CARNMT1: variants seen among roughly 807,000 people sequenced by gnomAD.
CARNMT1 encodes protein-L-histidine N-pros-methyltransferase CARNMT1.
Under a neutral mutation model 49.6 loss-of-function variants are expected in CARNMT1, and 28 were observed. The observed-to-expected ratio is 0.56, with a 90% CI of 0.42 to 0.77. The LOEUF is 0.77. CARNMT1 is among the 30% of genes least tolerant of loss of function. CARNMT1 has a pLI of 0.00. For synonymous variants in CARNMT1, 178 were observed against 175.0 expected (o/e 1.02, Z -0.13); for missense variants, 421 against 512.6 (o/e 0.82, Z 1.73).
intron 2 of CARNMT1, 136 bp downstream of exon 2, chr9:75,017,117 A>T: frequency 1.5e-6 from 1 of 656,068 alleles, no homozygotes; most frequent in Non-Finnish European, 2.6e-6. Flanking sequence ...CAAATGACTG[A>T]ACATTTAAGT....
In CARNMT1 at chr9:74,980,842, A is replaced by C. The variant is rs1490751313; in HGVS notation, c.*2925T>G. Among the ~76,000 whole-genome samples the C allele has an allele frequency of 1.3e-5, 2 of 152,190 alleles. No individual in the cohort carries two copies. Among genetic ancestry groups the C allele is most frequent in the Non-Finnish European group, 2.9e-5 (2 of 68,000 alleles). On this transcript the variant is annotated 3_prime_UTR_variant, in exon 8 of 8. Transcript: ENST00000376834. ...TATTACAGTGAACTTGAATGAAACA[A>C]AGTGAAAATAGTTAGTATAAGGCCT...
At chr9:75,020,348 A>C (rs1587307394) in intron 1 of CARNMT1, among the ~76,000 whole-genome samples, 1 of 143,068 alleles carries the variant, frequency 7.0e-6, no homozygotes, top group African/African-American at 2.6e-5. Flanking sequence ...GCTCACTGCA[A>C]CCTCCCCCTC....
Position 74,982,762 on chromosome 9 carries a change from T to G in CARNMT1, c.*1005A>C, listed in dbSNP as rs1209252626. The G allele has an allele frequency of 2.0e-5, 3 of 152,190 alleles. No homozygotes were observed. Among genetic ancestry groups the G allele is most frequent in the African/African-American group, 4.8e-5 (2 of 41,450 alleles). The allele number at this position is 152,190 out of a possible 1,614,324, so 9.4% of individuals were successfully genotyped here. ...CACACTGTCAAACTCTGTATTCATT[T>G]AGAGTCTGAAAATCACATATTTCAA... On this transcript the variant is annotated 3_prime_UTR_variant, in exon 8 of 8. Transcript: ENST00000376834.
At chr9:74,985,116 T>A in intron 6 of CARNMT1, 106 bp from the exon 7 acceptor site, 1 of 841,268 alleles carries the variant, frequency 1.2e-6, no homozygotes, top group Non-Finnish European at 1.9e-6. Flanking sequence ...GAGACAAACA[T>A]AAAAAGTCTG....
chr9:74,996,350 A>G lies in CARNMT1; in HGVS notation c.1024+97T>C, dbSNP rs761895196. ...TTTAAAACATTTACAACATAATTCTAATGTTCATGCACATTTGAGACTGTG... is the reference window on the plus strand; with the variant it reads ...TTTAAAACATTTACAACATAATTCTGATGTTCATGCACATTTGAGACTGTG... On this transcript the variant is annotated intron_variant, in intron 6 of 7. Transcript: ENST00000376834. The G allele has an allele frequency of 6.4e-4, 424 of 657,594 alleles. 2 individuals carry two copies. The highest frequency in any genetic ancestry group is 1.0e-3 in the Non-Finnish European group (388 of 380,262). The allele number at this position is 657,594 out of a possible 1,614,324, so 40.7% of individuals were successfully genotyped here. A position where few individuals can be genotyped will look rare whatever the true frequency, so the allele number is the denominator to read the frequency against.
At position 74,999,745 on chromosome 9, in the gene CARNMT1, T is replaced by C; in HGVS notation, c.716A>G (p.Asn239Ser). The stretch of plus-strand genomic sequence containing the variant: ...AATTAAATACCTGTTGAGTACAAAG[T>C]TGGAAGAAAAGAGCATAAAAAAACT... ...EWSFFMLFSSNFVLNRCSEIN... is the reference protein window; with the variant it reads ...EWSFFMLFSSSFVLNRCSEIN... The change falls in exon 4 of 8, where the codon AAC becomes AGC. Residue 239 changes from asparagine (N) to serine (S), a missense_variant. Physicochemically the swap from Asn to Ser is conservative, Grantham distance 46. This residue lies in a region of CARNMT1 where 235 missense variants were observed against 344.8 expected (regional missense o/e 0.68). Coordinates refer to ENST00000376834, the MANE Select transcript of CARNMT1 (RefSeq NM_152420.3). 1 of 1,611,152 alleles carries C rather than the reference T, an allele frequency of 6.2e-7. No individual in the cohort carries two copies. The highest frequency in any genetic ancestry group is 8.5e-7 in the Non-Finnish European group (1 of 1,178,862).
At chr9:75,007,623 G>C (rs905697765) in intron 3 of CARNMT1, among the ~76,000 whole-genome samples, 1 of 149,762 alleles carries the variant, frequency 6.7e-6, no homozygotes, top group East Asian at 1.9e-4. Flanking sequence ...CAGCTACTCG[G>C]GAGGCTGAGG....
In CARNMT1 at chr9:75,017,235, GAAC is replaced by G. The variant is rs2118857935; in HGVS notation, c.426+15_426+17del. Reference sequence around the variant, plus strand: ...GTTGACCCTAAAATAAACAGAAATAGAACAAACTTTCACATACATCTTCTCCAT... The same window carrying G: ...GTTGACCCTAAAATAAACAGAAATAGAAACTTTCACATACATCTTCTCCAT... On this transcript the variant is annotated intron_variant, in intron 2 of 7. Coordinates refer to ENST00000376834, the MANE Select transcript of CARNMT1 (RefSeq NM_152420.3). 6 of 1,590,738 alleles carry G rather than the reference GAAC, an allele frequency of 3.8e-6. No homozygotes were observed. The highest frequency in any genetic ancestry group is 5.2e-6 in the Non-Finnish European group (6 of 1,161,750).
In CARNMT1 at chr9:75,002,097, AAC is replaced by A. The variant is rs200146377; in HGVS notation, c.591-2229_591-2228del. ...CCCTAATAACAGGAGGAAAAGTTTC[AAC>A]AGTTTATTCAAGACAAACAGGAACG... is the stretch of plus-strand genomic sequence containing the variant. On this transcript the variant is annotated intron_variant, in intron 3 of 7. Transcript: ENST00000376834. 7.8e-3 allele frequency among the ~76,000 whole-genome samples: 1,192 copies of A among 152,300 alleles called. 53 individuals are homozygous for A. Among genetic ancestry groups the A allele is most frequent in the Admixed American group, 0.066 (1,015 of 15,274 alleles).
intron 3 of CARNMT1, among the ~76,000 whole-genome samples, chr9:75,013,569 T>TG (rs944909360): frequency 6.7e-6 from 1 of 148,282 alleles, no homozygotes; most frequent in African/African-American, 2.5e-5. Flanking sequence ...AATCTTCAGC[T>TG]GGGAAAAAAA....
At chr9:75,008,775 A>G (rs888666211) in intron 3 of CARNMT1, among the ~76,000 whole-genome samples, 2 of 152,238 alleles carry the variant, frequency 1.3e-5, no homozygotes, top group Admixed American at 6.5e-5. Context: ...TATTCAGCAC[A>G]ATCCTTAATG....
At chr9:75,024,187 CAT>C (rs2118878701) in intron 1 of CARNMT1, among the ~76,000 whole-genome samples, 1 of 152,290 alleles carries the variant, frequency 6.6e-6, no homozygotes, top group South Asian at 2.1e-4. Flanking sequence ...ATAGAAAAAA[CAT>C]AACTTGTCAG....
intron 3 of CARNMT1, among the ~76,000 whole-genome samples, chr9:75,004,179 T>C (rs1298326679): frequency 6.6e-6 from 1 of 152,242 alleles, no homozygotes; most frequent in Non-Finnish European, 1.5e-5. Flanking sequence ...CTGGCCAAGA[T>C]ATGCATTTGA....
chr9:75,011,805 T>C (rs149874408), intron 3 of CARNMT1, among the ~76,000 whole-genome samples: 1 of 152,134 alleles, frequency 6.6e-6, no homozygotes, highest in Non-Finnish European at 1.5e-5. Context: ...GGCTTCCAAC[T>C]GACAAACAGA....
intron 6 of CARNMT1, among the ~76,000 whole-genome samples, chr9:74,995,391 C>T (rs997818147): frequency 6.6e-6 from 1 of 152,178 alleles, no homozygotes; most frequent in African/African-American, 2.4e-5. Flanking sequence ...ACCTAACCCA[C>T]AGTAAGCAAA....
In CARNMT1 at chr9:74,998,450, C is replaced by A. The variant is rs190530886; in HGVS notation, c.910+148G>T. The A allele has an allele frequency of 3.8e-5, 22 of 583,262 alleles. No homozygotes were observed. In the South Asian group the frequency reaches 9.8e-4, roughly 26 times the overall value. 36.1% of individuals were successfully genotyped at this position (583,262 alleles called of 1,614,324 possible). A position where few individuals can be genotyped will look rare whatever the true frequency, so the allele number is the denominator to read the frequency against. The stretch of plus-strand genomic sequence containing the variant: ...TTATTTCCTATCACTGCCTTGTACA[C>A]GACCTTGAAAACATTCTAAATTGAC... On this transcript the variant is annotated intron_variant, in intron 5 of 7. Coordinates refer to ENST00000376834, the MANE Select transcript of CARNMT1 (RefSeq NM_152420.3).
At chr9:75,028,345 C>T, upstream of CARNMT1, 2 of 1,305,730 alleles carry the variant, frequency 1.5e-6, no homozygotes, top group Non-Finnish European at 1.9e-6. Flanking sequence ...GCGGACATGC[C>T]CCCAGCTCGC....
chr9:75,022,213 C>CTTTTTTT (rs35783706), intron 1 of CARNMT1, among the ~76,000 whole-genome samples: 1 of 77,008 alleles, frequency 1.3e-5, no homozygotes, highest in Non-Finnish European at 2.5e-5. Context: ...AGAAGGAATA[C>CTTTTTTT]TTTTTTTTTT....
chr9:75,019,004 G>GAAACAACCC (rs1303576543), intron 1 of CARNMT1, among the ~76,000 whole-genome samples: 1 of 150,006 alleles, frequency 6.7e-6, no homozygotes, highest in African/African-American at 2.4e-5. Flanking sequence ...AAAATATCTG[G>GAAACAACCC]AAACAACCCA....
Sources: gnomAD v4.1 joint callset for allele counts (sites outside exome capture counted in the v4.1 genomes callset) on GRCh38, gnomAD v4.1.1 for gene constraint, gnomAD v4.1.1 regional missense constraint, MANE v1.5 for transcripts, NCBI Gene and HGNC (gene_info 2026-07-23, HGNC 2026-07-21) for gene names.